PGBD2: variants seen among roughly 807,000 people sequenced by gnomAD.
PGBD2 encodes the protein piggyBac transposable element derived 2, also known as piggyBac transposable element-derived protein 2.
PGBD2 carries 6 observed loss-of-function variants against 8.1 expected under a neutral mutation model. The ratio of observed to expected loss-of-function variants is 0.74; its 90% CI spans 0.40 to 1.46. The LOEUF (loss-of-function observed/expected upper bound fraction) is 1.46, where lower values mean the gene tolerates loss of function less well. Ranked by LOEUF, PGBD2 falls within the 40% of genes most tolerant of loss-of-function variation. The probability of loss-of-function intolerance (pLI) is 0.02; values close to 1 mark genes in which losing one functional copy is unlikely to be tolerated. For synonymous variants in PGBD2, 318 were observed against 272.2 expected, an observed-to-expected ratio of 1.17 and a Z score of -1.66; for missense variants, 802 against 739.0, an observed-to-expected ratio of 1.09 and a Z score of -0.99.
Position 248,917,712 on chromosome 1 carries a change from G to T in PGBD2, c.1128G>T (p.Glu376Asp). The T allele has an allele frequency of 6.2e-7, 1 of 1,614,226 alleles. No homozygotes were observed. The highest frequency in any genetic ancestry group is 8.5e-7 in the Non-Finnish European group (1 of 1,180,042). Residue 376 changes from glutamate (E) to aspartate (D), a missense_variant, in exon 3 of 3, where the codon GAG (glutamate) becomes GAT (aspartate). Glu to Asp is a conservative substitution (Grantham distance 45). Transcript: ENST00000329291. ...KGVKATGTVR[E>D]YRTERCPLKD... The stretch of plus-strand genomic sequence containing the variant: ...TGAAAGCCACAGGAACTGTTCGTGA[G>T]TACAGGACTGAGCGATGTCCCCTAA...
downstream of PGBD2, among the ~76,000 whole-genome samples, chr1:248,924,177 A>G (rs933489939): frequency 3.9e-5 from 6 of 152,206 alleles, no homozygotes; most frequent in Admixed American, 3.9e-4. Context: ...GCGTCCATCC[A>G]GAAATCCATC....
chr1:248,916,468 C>A, intron 2 of PGBD2, 134 bp from the exon 3 acceptor site: 1 of 686,626 alleles, frequency 1.5e-6, no homozygotes, highest in Non-Finnish European at 2.4e-6. Context: ...TTACTAAATG[C>A]GGTGCCTTGT....
intron 1 of PGBD2, among the ~76,000 whole-genome samples, chr1:248,907,633 T>C (rs1572270882): frequency 1.3e-5 from 2 of 152,174 alleles, no homozygotes; most frequent in East Asian, 1.9e-4. Flanking sequence ...TTATTGAGAC[T>C]AGAGAATGGT....
the PGBD2 span, among the ~76,000 whole-genome samples, chr1:248,879,888 C>CAT: frequency 4.3e-3 from 660 of 152,144 alleles, 5 homozygotes; most frequent in Middle Eastern, 0.02. Flanking sequence ...AATATATACA[C>CAT]ATATATATAT....
the PGBD2 span, among the ~76,000 whole-genome samples, chr1:248,893,969 G>A: frequency 6.6e-6 from 1 of 152,162 alleles, no homozygotes; most frequent in Non-Finnish European, 1.5e-5. Flanking sequence ...ATATTTCACT[G>A]TGGTTTTGAT....
At chr1:248,873,853 G>C in the PGBD2 span, among the ~76,000 whole-genome samples, 3 of 152,202 alleles carry the variant, frequency 2.0e-5, no homozygotes, top group African/African-American at 7.2e-5. Context: ...CTGCTTCCGA[G>C]TGTCAGGATG....
At chr1:248,875,019 C>CT in the PGBD2 span, among the ~76,000 whole-genome samples, 1 of 152,024 alleles carries the variant, frequency 6.6e-6, no homozygotes, top group African/African-American at 2.4e-5. Flanking sequence ...TCTGTATGGC[C>CT]TGGCGCGGTG....
chr1:248,878,488 A>G, the PGBD2 span, among the ~76,000 whole-genome samples: 3 of 152,248 alleles, frequency 2.0e-5, no homozygotes, highest in South Asian at 6.2e-4. Flanking sequence ...CACATCCTTT[A>G]TGACCATAAA....
upstream of PGBD2, among the ~76,000 whole-genome samples, chr1:248,903,654 T>C (rs1393344231): frequency 6.6e-5 from 10 of 152,220 alleles, no homozygotes; most frequent in Admixed American, 6.5e-4. Flanking sequence ...TCATGGGCGC[T>C]TGGGAGTTCT....
chr1:248,917,224 G>C lies in PGBD2; in HGVS notation c.640G>C (p.Asp214His). Reference protein sequence around the residue: ...SPDSHHHLVADAIRRDRFELI... With the variant: ...SPDSHHHLVAHAIRRDRFELI... ...CGATTCACATCATCATCTTGTGGCT[G>C]ATGCAATTAGAAGGGACAGATTTGA... Residue 214 changes from aspartate to histidine, a missense_variant, in exon 3 of 3, where the codon GAT becomes CAT. Physicochemically the swap from Asp to His is moderately conservative, Grantham distance 81 (BLOSUM62 -1). Transcript: ENST00000329291. 1 of 1,614,150 alleles carries C rather than the reference G, an allele frequency of 6.2e-7. No homozygotes were observed. Among genetic ancestry groups the C allele is most frequent in the Non-Finnish European group, 8.5e-7 (1 of 1,180,046 alleles).
chr1:248,927,477 T>C, the PGBD2 span, among the ~76,000 whole-genome samples: 1 of 152,224 alleles, frequency 6.6e-6, no homozygotes, highest in African/African-American at 2.4e-5. Flanking sequence ...CAGCAAATAT[T>C]TTCTGCAAAG....
downstream of PGBD2, among the ~76,000 whole-genome samples, chr1:248,923,290 G>T (rs985288922): frequency 1.3e-5 from 2 of 152,164 alleles, no homozygotes; most frequent in Non-Finnish European, 2.9e-5. Context: ...ATTTCTGGGG[G>T]ATCAGTGGTG....
chr1:248,896,461 T>C, the PGBD2 span, among the ~76,000 whole-genome samples: 1 of 152,174 alleles, frequency 6.6e-6, no homozygotes. Flanking sequence ...CTTTTTCTTT[T>C]AGAGATGGGG....
At chr1:248,925,779 T>C in the PGBD2 span, among the ~76,000 whole-genome samples, 1 of 152,072 alleles carries the variant, frequency 6.6e-6, no homozygotes, top group Non-Finnish European at 1.5e-5. Flanking sequence ...TTTCAGATTT[T>C]GCCCCCCAAA....
At chr1:248,894,876 A>G in the PGBD2 span, among the ~76,000 whole-genome samples, 1 of 151,738 alleles carries the variant, frequency 6.6e-6, no homozygotes, top group Non-Finnish European at 1.5e-5. Context: ...GCTCACTGCA[A>G]CCTCAAACTC....
At chr1:248,887,062 G>A in the PGBD2 span, among the ~76,000 whole-genome samples, 13 of 152,122 alleles carry the variant, frequency 8.5e-5, no homozygotes, top group South Asian at 2.7e-3. Context: ...ACACACATAA[G>A]CTTACTATTT....
At chr1:248,914,097 TAC>T in intron 2 of PGBD2, among the ~76,000 whole-genome samples, 1 of 152,328 alleles carries the variant, frequency 6.6e-6, no homozygotes, top group East Asian at 1.9e-4. Context: ...CACTAATGTT[TAC>T]ACTCGATAGA....
chr1:248,909,384 G>A (rs1218059993), intron 1 of PGBD2, among the ~76,000 whole-genome samples: 1 of 152,156 alleles, frequency 6.6e-6, no homozygotes, highest in East Asian at 1.9e-4. Flanking sequence ...GACTCTTTTA[G>A]GAGTATATTT....
chr1:248,915,274 A>C (rs1168893182), intron 2 of PGBD2, among the ~76,000 whole-genome samples: 1 of 152,244 alleles, frequency 6.6e-6, no homozygotes, highest in Non-Finnish European at 1.5e-5. Context: ...GCTCAAATGC[A>C]AGTACAGAGA....
Sources: allele counts gnomAD v4.1 joint callset (sites outside exome capture counted in the v4.1 genomes callset), GRCh38; gene constraint gnomAD v4.1.1; transcripts MANE v1.5; gene names NCBI Gene and HGNC (gene_info 2026-07-23, HGNC 2026-07-21).